GNG4: variants seen among roughly 807,000 people sequenced by gnomAD.
GNG4 encodes the protein guanine nucleotide-binding protein G(I)/G(S)/G(O) subunit gamma-4.
GNG4 carries 4 observed loss-of-function variants against 5.8 expected under a neutral mutation model. The observed-to-expected ratio is 0.69, with a 90% CI of 0.34 to 1.57. GNG4 has a LOEUF of 1.57. Ranked by LOEUF, GNG4 falls within the 40% of genes most tolerant of loss-of-function variation. The pLI is 0.06. For missense variants in GNG4, 96 were observed against 95.1 expected (o/e 1.01, Z -0.04); for synonymous variants, 29 against 32.9 (o/e 0.88, Z 0.41).
intron 3 of GNG4, among the ~76,000 whole-genome samples, chr1:235,553,395 G>T (rs759188702): frequency 2.6e-5 from 4 of 152,148 alleles, no homozygotes. Context: ...TTACAGGCAG[G>T]GGTAAATACA....
At chr1:235,611,665 G>C (rs944847643) in intron 1 of GNG4, among the ~76,000 whole-genome samples, 2 of 152,120 alleles carry the variant, frequency 1.3e-5, no homozygotes, top group Non-Finnish European at 1.5e-5. Context: ...TTTGAGAAGG[G>C]GGAAAGAGCC....
intron 1 of GNG4, among the ~76,000 whole-genome samples, chr1:235,635,656 A>G (rs564623542): frequency 8.7e-5 from 4 of 46,142 alleles, no homozygotes; most frequent in Non-Finnish European, 1.6e-4. Context: ...TCTTTTCTTT[A>G]TCAATCACTG....
chr1:235,597,839 G>A (rs1688162292), intron 1 of GNG4, among the ~76,000 whole-genome samples: 1 of 151,892 alleles, frequency 6.6e-6, no homozygotes, highest in Non-Finnish European at 1.5e-5. Context: ...TGTTGGCCAG[G>A]CTAATCTTGA....
chr1:235,624,104 C>CTTTTTTTT (rs34430706), intron 1 of GNG4, among the ~76,000 whole-genome samples: 1 of 138,880 alleles, frequency 7.2e-6, no homozygotes, highest in African/African-American at 2.7e-5. Flanking sequence ...TGGCCAATTC[C>CTTTTTTTT]TTTTTTTTTT....
chr1:235,589,272 G>A (rs1687902445), intron 2 of GNG4, among the ~76,000 whole-genome samples: 1 of 152,186 alleles, frequency 6.6e-6, no homozygotes, highest in Non-Finnish European at 1.5e-5. Context: ...CCATTTTGCA[G>A]GTAGACAGGG....
At chr1:235,591,901 G>T (rs1242699939) in intron 2 of GNG4, among the ~76,000 whole-genome samples, 1 of 152,196 alleles carries the variant, frequency 6.6e-6, no homozygotes, top group Non-Finnish European at 1.5e-5. Flanking sequence ...GGGTCTGTGG[G>T]ACCCCCAGCA....
chr1:235,637,524 G>A (rs61834631), intron 1 of GNG4, among the ~76,000 whole-genome samples: 25,794 of 152,010 alleles, frequency 0.17, 2,661 homozygotes, highest in South Asian at 0.31. Context: ...GCGGTGGCGC[G>A]TGCCTGCAAT....
chr1:235,584,289 A>C (rs1687710993), intron 2 of GNG4, among the ~76,000 whole-genome samples: 1 of 152,214 alleles, frequency 6.6e-6, no homozygotes, highest in African/African-American at 2.4e-5. Flanking sequence ...AGAAAGTGCA[A>C]AAATCAGAGA....
At chr1:235,599,699 C>CT (rs1328953490) in intron 1 of GNG4, among the ~76,000 whole-genome samples, 4 of 152,154 alleles carry the variant, frequency 2.6e-5, no homozygotes, top group Non-Finnish European at 5.9e-5. Flanking sequence ...CCAGTCCTGC[C>CT]TTATGCAGGG....
chr1:235,571,616 T>G (rs766119916), intron 3 of GNG4, among the ~76,000 whole-genome samples: 1 of 152,200 alleles, frequency 6.6e-6, no homozygotes. Flanking sequence ...AAATTTGATA[T>G]TGACTCAAAC....
intron 1 of GNG4, among the ~76,000 whole-genome samples, chr1:235,602,432 C>A (rs1688276161): frequency 6.6e-6 from 1 of 152,156 alleles, no homozygotes; most frequent in Non-Finnish European, 1.5e-5. Flanking sequence ...TGGAGCTGAG[C>A]GGCCCCGTTA....
intron 2 of GNG4, among the ~76,000 whole-genome samples, chr1:235,584,940 T>C (rs1001815686): frequency 6.6e-6 from 1 of 152,228 alleles, no homozygotes; most frequent in Admixed American, 6.5e-5. Flanking sequence ...ATTGAGTATG[T>C]AAAGCAGCAA....
At chr1:235,570,880 G>GTA (rs1553365391) in intron 3 of GNG4, among the ~76,000 whole-genome samples, 4 of 143,220 alleles carry the variant, frequency 2.8e-5, no homozygotes, top group African/African-American at 5.2e-5. Context: ...GTGTGTGTGT[G>GTA]TATATGTATG....
rs1480042949 is a variant in GNG4, at chr1:235,648,703, G to A, written c.-123+959C>T. 6.6e-6 allele frequency among the ~76,000 whole-genome samples: 1 copy of A among 152,226 alleles called. No homozygotes were observed. The highest frequency in any genetic ancestry group is 1.5e-5 in the Non-Finnish European group (1 of 68,040). ...TAATGGAGCACACGGGCGCAGCCTAGGCGGCCTTTTGCTCCGGCTGAGAGG... is the reference window on the plus strand; with the variant it reads ...TAATGGAGCACACGGGCGCAGCCTAAGCGGCCTTTTGCTCCGGCTGAGAGG... On this transcript the variant is annotated intron_variant, in intron 1 of 3. Transcript: ENST00000391854. This position sits in a 1 kb window ranked among gnomAD's most constrained non-coding sequence, Gnocchi z 5.0.
chr1:235,554,753 G>A (rs565711616), intron 3 of GNG4, among the ~76,000 whole-genome samples: 30 of 151,590 alleles, frequency 2.0e-4, no homozygotes, highest in African/African-American at 7.3e-4. Context: ...GCTGAGGCAG[G>A]AGAATCGCTT....
At chr1:235,632,909 T>G (rs1194992330) in intron 1 of GNG4, among the ~76,000 whole-genome samples, 1 of 152,158 alleles carries the variant, frequency 6.6e-6, no homozygotes, top group African/African-American at 2.4e-5. Flanking sequence ...CAAAGAAAAT[T>G]GCTTTTAAAA....
rs1383380206 is a variant in GNG4, at chr1:235,642,096, T to C, written c.-123+7566A>G. 6.6e-6 allele frequency among the ~76,000 whole-genome samples: 1 copy of C among 152,004 alleles called. No homozygotes were observed. The highest frequency in any genetic ancestry group is 1.5e-5 in the Non-Finnish European group (1 of 68,006). Reference sequence around the variant, plus strand: ...AGTGCGGAAAAGCAACATAACACACTAAGAACCGTGCGGAAAAGGAGAGAA... The same window carrying C: ...AGTGCGGAAAAGCAACATAACACACCAAGAACCGTGCGGAAAAGGAGAGAA... On this transcript the variant is annotated intron_variant, in intron 1 of 3. Coordinates refer to ENST00000391854, the MANE Select transcript of GNG4 (RefSeq NM_001098722.2). This position sits in a 1 kb window ranked among gnomAD's most constrained non-coding sequence, Gnocchi z 4.3.
chr1:235,587,283 T>G, intron 2 of GNG4, among the ~76,000 whole-genome samples: 1 of 56,394 alleles, frequency 1.8e-5, no homozygotes, highest in Non-Finnish European at 3.1e-5. Context: ...TGTGTGAAGG[T>G]GTGGGTTGGG....
At chr1:235,587,232 T>TGTGAGG (rs1241669355) in intron 2 of GNG4, among the ~76,000 whole-genome samples, 1,891 of 32,880 alleles carry the variant, frequency 0.058, 74 homozygotes, top group African/African-American at 0.31. Flanking sequence ...TGAGTGTGAG[T>TGTGAGG]GTGTGAGGTG....
Sources: allele counts gnomAD v4.1 joint callset (sites outside exome capture counted in the v4.1 genomes callset), GRCh38; gene constraint gnomAD v4.1.1; non-coding constraint Gnocchi (gnomAD v3.1); transcripts MANE v1.5; gene names NCBI Gene and HGNC (gene_info 2026-07-23, HGNC 2026-07-21).